NELL1: variants seen among roughly 807,000 people sequenced by gnomAD.
NELL1 encodes the protein neural EGFL like 1, also known as protein kinase C-binding protein NELL1.
In NELL1, 76 loss-of-function variants were observed where a neutral mutation model predicts 107.4. That is an observed-to-expected ratio of 0.71 (90% CI 0.59 to 0.86). NELL1 has a LOEUF of 0.86. Ranked by LOEUF, NELL1 falls within the 40% of genes least tolerant of loss-of-function variation. NELL1 has a pLI of 0.00. For missense variants in NELL1, 1,024 were observed against 1,005.5 expected (o/e 1.02, Z -0.25); for synonymous variants, 353 against 341.2 (o/e 1.03, Z -0.38).
chr11:21,401,702 T>C (rs1852100929), intron 15 of NELL1, among the ~76,000 whole-genome samples: 2 of 151,662 alleles, frequency 1.3e-5, no homozygotes, highest in Admixed American at 1.3e-4. Context: ...AAGCTATTCA[T>C]AGGATAAGAA....
chr11:21,560,879 G>A (rs1024179198), intron 17 of NELL1, among the ~76,000 whole-genome samples: 4 of 128,620 alleles, frequency 3.1e-5, no homozygotes, highest in Admixed American at 8.2e-5. Flanking sequence ...GATAGTATGA[G>A]GCCTCTTAGA....
chr11:21,480,925 A>G (rs1478943082), intron 15 of NELL1, among the ~76,000 whole-genome samples: 1 of 152,004 alleles, frequency 6.6e-6, no homozygotes, highest in East Asian at 1.9e-4. Flanking sequence ...CTTTCTCACA[A>G]CTTCTTTTCT....
intron 4 of NELL1, among the ~76,000 whole-genome samples, chr11:20,874,440 T>C (rs573314896): frequency 1.3e-5 from 2 of 152,236 alleles, no homozygotes; most frequent in African/African-American, 4.8e-5. Context: ...CACCTGGATT[T>C]GAATTTAGAA....
At chr11:21,004,673 A>G (rs570282683) in intron 12 of NELL1, among the ~76,000 whole-genome samples, 3 of 152,206 alleles carry the variant, frequency 2.0e-5, no homozygotes, top group Non-Finnish European at 2.9e-5. Context: ...AAGATACATT[A>G]ATGTATAGTG....
intron 3 of NELL1, among the ~76,000 whole-genome samples, chr11:20,809,344 C>A (rs1857451149): frequency 1.3e-5 from 2 of 152,158 alleles, no homozygotes; most frequent in South Asian, 4.1e-4. Flanking sequence ...GCATATCAAT[C>A]ATCTTAAACA....
At chr11:21,549,426 T>C (rs1856523296) in intron 16 of NELL1, among the ~76,000 whole-genome samples, 1 of 152,074 alleles carries the variant, frequency 6.6e-6, no homozygotes, top group Middle Eastern at 3.4e-3. Context: ...CTGCAGGTTC[T>C]TGAGGAAGAT....
intron 12 of NELL1, among the ~76,000 whole-genome samples, chr11:20,988,809 G>A (rs770411105): frequency 7.9e-5 from 12 of 151,666 alleles, no homozygotes; most frequent in Admixed American, 2.0e-4. Flanking sequence ...GGATGGTCTC[G>A]ATCTCCTGAC....
At chr11:20,790,442 G>C (rs1857051097) in intron 3 of NELL1, among the ~76,000 whole-genome samples, 2 of 152,238 alleles carry the variant, frequency 1.3e-5, no homozygotes, top group Admixed American at 1.3e-4. Context: ...GCTTATTTCA[G>C]ACAGAAGCCA....
intron 4 of NELL1, among the ~76,000 whole-genome samples, chr11:20,867,321 C>T (rs10766734): frequency 0.61 from 92,020 of 152,012 alleles, 31,058 homozygotes; most frequent in Non-Finnish European, 0.76. Context: ...ATTGACTCTA[C>T]GTCATGGGTT....
At chr11:21,163,793 A>T (rs577583737) in intron 13 of NELL1, among the ~76,000 whole-genome samples, 2 of 152,000 alleles carry the variant, frequency 1.3e-5, no homozygotes, top group Non-Finnish European at 2.9e-5. Context: ...CATTAATTTC[A>T]TCATGAAAGT....
intron 5 of NELL1, among the ~76,000 whole-genome samples, chr11:20,895,777 A>T (rs1327905689): frequency 6.6e-5 from 10 of 151,976 alleles, no homozygotes; most frequent in Admixed American, 5.9e-4. Context: ...AAGTGCTGGG[A>T]TTACAGGCCT....
intron 7 of NELL1, among the ~76,000 whole-genome samples, chr11:20,925,517 C>T (rs1850477158): frequency 6.7e-6 from 1 of 149,606 alleles, no homozygotes; most frequent in Non-Finnish European, 1.5e-5. Context: ...AACTCCTGAC[C>T]TTGGGTCATC....
intron 2 of NELL1, among the ~76,000 whole-genome samples, chr11:20,778,384 A>C (rs1856788072): frequency 6.6e-6 from 1 of 150,616 alleles, no homozygotes; most frequent in Non-Finnish European, 1.5e-5. Flanking sequence ...CACCATCCTC[A>C]CTCTATACAT....
chr11:20,770,330 G>T (rs2133967641), intron 2 of NELL1, among the ~76,000 whole-genome samples: 1 of 152,312 alleles, frequency 6.6e-6, no homozygotes, highest in Non-Finnish European at 1.5e-5. Flanking sequence ...CATCTCTAAA[G>T]AGGAGGTCCA....
Position 21,575,086 on chromosome 11 carries a change from A to G in NELL1, c.*64A>G. The G allele has an allele frequency of 7.3e-7, 1 of 1,364,030 alleles. No homozygotes were observed. The highest frequency in any genetic ancestry group is 1.0e-6 in the Non-Finnish European group (1 of 959,874). The allele number at this position is 1,364,030 out of a possible 1,614,324, so 84.5% of individuals were successfully genotyped here. ...ATGACCATCCAACGTGATTAAGGAT[A>G]GGAATCGGTAGTTTGGTTTTTTTGT... On this transcript the variant is annotated 3_prime_UTR_variant, in exon 20 of 20. Transcript: ENST00000357134.
At chr11:21,352,133 T>G (rs962279346) in intron 14 of NELL1, among the ~76,000 whole-genome samples, 9 of 152,170 alleles carry the variant, frequency 5.9e-5, no homozygotes, top group Admixed American at 3.3e-4. Flanking sequence ...TTCCTTTATG[T>G]TTGTGCCAAA....
intron 13 of NELL1, among the ~76,000 whole-genome samples, chr11:21,194,238 C>A (rs536110893): frequency 8.5e-5 from 13 of 152,180 alleles, no homozygotes; most frequent in Admixed American, 8.5e-4. Context: ...ATGCTGACAT[C>A]TACCTCTTCA....
Position 20,927,420 on chromosome 11 carries a change from A to G in NELL1, c.872A>G (p.His291Arg), listed in dbSNP as rs150881266. ...CAAGACTCTTGGGTAGATGGTGACC[A>G]TTGCAGGAACTGCACTTGCAAAGTA... Reference protein sequence around the residue: ...RDQDSWVDGDHCRNCTCKSGA... With the variant: ...RDQDSWVDGDRCRNCTCKSGA... Residue 291 changes from histidine to arginine, a missense_variant, in exon 8 of 20, where the codon CAT becomes CGT. By Grantham distance (29) the His-to-Arg change is conservative. Coordinates refer to ENST00000357134, the MANE Select transcript of NELL1 (RefSeq NM_006157.5). 6 of 1,611,102 alleles carry G rather than the reference A, an allele frequency of 3.7e-6. No homozygotes were observed. The African/African-American group carries it at 6.7e-5, about 18-fold the overall frequency.
chr11:21,568,869 CT>C (rs60723180), intron 17 of NELL1, among the ~76,000 whole-genome samples: 97,515 of 147,784 alleles, frequency 0.66, 35,326 homozygotes, highest in Non-Finnish European at 0.83. Flanking sequence ...TTAGTTATCT[CT>C]TTTTTTTTTT....
Sources: allele counts gnomAD v4.1 joint callset (sites outside exome capture counted in the v4.1 genomes callset), GRCh38; gene constraint gnomAD v4.1.1; transcripts MANE v1.5; gene names NCBI Gene and HGNC (gene_info 2026-07-23, HGNC 2026-07-21).